The following TMOD2 variants were observed in gnomAD, a reference collection of about 807,000 sequenced individuals.
TMOD2 encodes tropomodulin-2.
Under a neutral mutation model 39.9 loss-of-function variants are expected in TMOD2, and 22 were observed. The observed-to-expected ratio is 0.55, with a 90% CI of 0.39 to 0.79. The LOEUF is 0.79. Among genes scored for constraint, TMOD2 ranks in the 30% least tolerant of loss-of-function variants. The pLI is 0.00. For missense variants in TMOD2, 386 were observed against 413.3 expected (o/e 0.93, Z 0.57); for synonymous variants, 123 against 146.1 (o/e 0.84, Z 1.14).
intron 6 of TMOD2, 127 bp from the exon 7 acceptor site, chr15:51,782,594 C>T (rs2055938091): frequency 2.7e-6 from 2 of 734,294 alleles, no homozygotes; most frequent in East Asian, 2.6e-5. Flanking sequence ...TAGGTAATGA[C>T]CCTCATTTAG....
intron 3 of TMOD2, among the ~76,000 whole-genome samples, chr15:51,769,721 C>T (rs542607030): frequency 8.5e-5 from 13 of 152,276 alleles, no homozygotes; most frequent in African/African-American, 2.9e-4. Context: ...ACAGCAACTA[C>T]AATCTTTTTA....
intron 8 of TMOD2, among the ~76,000 whole-genome samples, chr15:51,799,251 T>G (rs190737965): frequency 6.6e-6 from 1 of 152,308 alleles, no homozygotes; most frequent in African/African-American, 2.4e-5. Flanking sequence ...TTCGTTCCCC[T>G]GTGGGATGGT....
Position 51,815,853 on chromosome 15 carries a change from G to A in TMOD2, c.*7399G>A, listed in dbSNP as rs1306704194. 6.6e-6 allele frequency: 1 copy of A among 152,184 alleles called. No individual in the cohort carries two copies. Among genetic ancestry groups the A allele is most frequent in the Non-Finnish European group, 1.5e-5 (1 of 68,036 alleles). 9.4% of individuals were successfully genotyped at this position (152,184 alleles called of 1,614,324 possible). A position where few individuals can be genotyped will look rare whatever the true frequency, so the allele number is the denominator to read the frequency against. ...ACCAGTTCAGATGCCTGTAATGTGT[G>A]ACTTTATGTGTGTCTGTGTTGTTTT... On this transcript the variant is annotated 3_prime_UTR_variant, in exon 10 of 10. Coordinates refer to ENST00000249700, the MANE Select transcript of TMOD2 (RefSeq NM_014548.4).
intron 7 of TMOD2, among the ~76,000 whole-genome samples, chr15:51,786,827 C>T (rs892496018): frequency 1.3e-5 from 2 of 152,240 alleles, no homozygotes; most frequent in African/African-American, 4.8e-5. Context: ...TAGGACAGCA[C>T]TGTTTATTGG....
chr15:51,759,658 A>G lies in TMOD2; in HGVS notation c.-69-6715A>G, dbSNP rs183849748. On this transcript the variant is annotated intron_variant, in intron 1 of 9. Coordinates refer to ENST00000249700, the MANE Select transcript of TMOD2 (RefSeq NM_014548.4). ...GTCCTGCAGAACTGGGATCTGAGCC[A>G]GGTCTCAAGAGCAGAGCGCATAGAT... Among the ~76,000 whole-genome samples the G allele has an allele frequency of 3.9e-3, 597 of 152,328 alleles. 5 individuals carry two copies. Among genetic ancestry groups the G allele is most frequent in the Middle Eastern group, 6.8e-3 (2 of 294 alleles).
At chr15:51,785,280 C>T (rs1466378535) in intron 7 of TMOD2, among the ~76,000 whole-genome samples, 4 of 151,756 alleles carry the variant, frequency 2.6e-5, no homozygotes, top group African/African-American at 7.3e-5. Flanking sequence ...GGCGCGGTGG[C>T]GGGCGCCTGT....
At chr15:51,783,203 G>C (rs2055943422) in intron 7 of TMOD2, 1 of 195,578 alleles carries the variant, frequency 5.1e-6, no homozygotes, top group Admixed American at 5.9e-5. Context: ...TATTGAAGTA[G>C]CTGGGCGCGG....
rs963829117 is a variant in TMOD2, at chr15:51,808,780, A to G, written c.*326A>G. On this transcript the variant is annotated 3_prime_UTR_variant, in exon 10 of 10. Coordinates refer to ENST00000249700, the MANE Select transcript of TMOD2 (RefSeq NM_014548.4). Reference sequence around the variant, plus strand: ...CTTACATGAACTTGTTTTTTTAATCACTGAAAGGAATTTAGTGTATAATAT... The same window carrying G: ...CTTACATGAACTTGTTTTTTTAATCGCTGAAAGGAATTTAGTGTATAATAT... 5 of 238,696 alleles carry G rather than the reference A, an allele frequency of 2.1e-5. No homozygotes were observed. Among genetic ancestry groups the G allele is most frequent in the Admixed American group, 5.4e-5 (1 of 18,564 alleles). The allele number at this position is 238,696 out of a possible 1,614,324, so 14.8% of individuals were successfully genotyped here.
At chr15:51,761,771 C>T (rs1298594136) in intron 1 of TMOD2, among the ~76,000 whole-genome samples, 1 of 150,954 alleles carries the variant, frequency 6.6e-6, no homozygotes, top group Non-Finnish European at 1.5e-5. Context: ...TCTAAGATAC[C>T]ATTGATTGTA....
intron 7 of TMOD2, among the ~76,000 whole-genome samples, chr15:51,795,575 TTG>T (rs752440021): frequency 0.16 from 3,407 of 21,870 alleles, 88 homozygotes; most frequent in Non-Finnish European, 0.19. Context: ...GCTTGCTTGC[TTG>T]CTTTCTTTCT....
At position 51,798,405 on chromosome 15, in the gene TMOD2, A is replaced by G. The variant is rs946356057; in HGVS notation, c.876+65A>G. The G allele has an allele frequency of 5.1e-6, 8 of 1,560,776 alleles. No homozygotes were observed. The African/African-American group carries it at 5.5e-5, about 11-fold the overall frequency. On this transcript the variant is annotated intron_variant, in intron 8 of 9. Transcript: ENST00000249700. ...GTGTGCAGTGAGCGGGGGAAATGCC[A>G]CAAGGAATGAGTTAAAAGACACAGT...
Position 51,775,570 on chromosome 15 carries a change from C to CTTTTTTTTTTTTTTTTTTTTTTT in TMOD2, c.407-1359_407-1337dup, listed in dbSNP as rs869308022. On this transcript the variant is annotated intron_variant, in intron 4 of 9. Coordinates refer to ENST00000249700, the MANE Select transcript of TMOD2 (RefSeq NM_014548.4). ...GAGACACAGTGACAAATTCTTTTTC[C>CTTTTTTTTTTTTTTTTTTTTTTT]TTTTTTTTTTTTTTTTTTTTTTTTT... Among the ~76,000 whole-genome samples, 2 of 81,210 alleles carry CTTTTTTTTTTTTTTTTTTTTTTT rather than the reference C, an allele frequency of 2.5e-5. 1 individual carries two copies. Among genetic ancestry groups the CTTTTTTTTTTTTTTTTTTTTTTT allele is most frequent in the Non-Finnish European group, 4.3e-5 (2 of 46,538 alleles). The allele number at this position is 81,210 out of a possible 152,430, so 53.3% of individuals were successfully genotyped here.
chr15:51,766,980 G>T, intron 2 of TMOD2: 1 of 153,452 alleles, frequency 6.5e-6, no homozygotes, highest in Non-Finnish European at 1.5e-5. Flanking sequence ...ATTCCACACT[G>T]GTAAGTGTCA....
At chr15:51,806,124 A>G (rs1416236679) in intron 8 of TMOD2, among the ~76,000 whole-genome samples, 1 of 152,102 alleles carries the variant, frequency 6.6e-6, no homozygotes, top group East Asian at 1.9e-4. Context: ...TTCATAAACA[A>G]TTTGCTTAGT....
At chr15:51,777,084 A>C in intron 5 of TMOD2, 66 bp downstream of exon 5, 1 of 1,339,696 alleles carries the variant, frequency 7.5e-7, no homozygotes, top group Non-Finnish European at 1.1e-6. Context: ...GGTAGGAGAG[A>C]GGCCTGTTGA....
At chr15:51,783,745 TGATAGATAGATAGATA>T (rs57407023) in intron 7 of TMOD2, 15 of 146,350 alleles carry the variant, frequency 1.0e-4, no homozygotes, top group East Asian at 2.1e-4. Context: ...TAGAACGAGA[TGATAGATAGATAGATA>T]GATAGATAGA....
At chr15:51,768,201 G>A in intron 2 of TMOD2, 61 bp from the exon 3 acceptor site, 1 of 1,594,378 alleles carries the variant, frequency 6.3e-7, no homozygotes, top group Non-Finnish European at 8.6e-7. Context: ...GGTGGAAGAG[G>A]AAGTAGCAAA....
chr15:51,798,451 A>T, intron 8 of TMOD2, 111 bp downstream of exon 8: 2 of 1,287,254 alleles, frequency 1.6e-6, no homozygotes, highest in South Asian at 1.4e-5. Flanking sequence ...ACTCAATTTG[A>T]TGTACTGGAT....
intron 1 of TMOD2, among the ~76,000 whole-genome samples, chr15:51,761,348 G>A (rs1282820747): frequency 6.6e-6 from 1 of 152,162 alleles, no homozygotes; most frequent in Non-Finnish European, 1.5e-5. Flanking sequence ...TGTTGGGAGT[G>A]TCTGACTGGT....
Sources: gnomAD v4.1 joint callset for allele counts (sites outside exome capture counted in the v4.1 genomes callset) on GRCh38, gnomAD v4.1.1 for gene constraint, MANE v1.5 for transcripts, NCBI Gene and HGNC (gene_info 2026-07-23, HGNC 2026-07-21) for gene names.